The following ZNF831 variants were observed in gnomAD, a reference collection of about 807,000 sequenced individuals.
ZNF831 encodes chromosome 20 open reading frame 174.
Under a neutral mutation model 95.8 loss-of-function variants are expected in ZNF831, and 59 were observed. The ratio of observed to expected loss-of-function variants is 0.62; its 90% CI spans 0.50 to 0.77. The LOEUF (loss-of-function observed/expected upper bound fraction) is 0.77, where lower values mean the gene tolerates loss of function less well. ZNF831 is among the 30% of genes least tolerant of loss of function. The pLI is 0.00. For synonymous variants in ZNF831, 961 were observed against 925.5 expected (o/e 1.04, Z -0.70); for missense variants, 2,205 against 2,164.0 (o/e 1.02, Z -0.38).
intron 3 of ZNF831, 87 bp from the exon 4 acceptor site, chr20:59,206,815 TCTC>T: frequency 6.9e-7 from 1 of 1,456,208 alleles, no homozygotes; most frequent in Non-Finnish European, 9.4e-7. Context: ...AGCCCCGTGT[TCTC>T]CTGGGCACCC....
chr20:59,130,383 C>G (rs945832491), intron 1 of ZNF831, among the ~76,000 whole-genome samples: 1 of 152,088 alleles, frequency 6.6e-6, no homozygotes, highest in Non-Finnish European at 1.5e-5. Context: ...GTGAAAGGGC[C>G]CCTAAGTTTC....
intron 1 of ZNF831, among the ~76,000 whole-genome samples, chr20:59,179,107 A>G (rs967739214): frequency 6.6e-6 from 1 of 152,296 alleles, no homozygotes. Flanking sequence ...GAGCTCCACG[A>G]CAGACTCTGT....
chr20:59,228,310 C>G (rs948913204), intron 4 of ZNF831, among the ~76,000 whole-genome samples: 9 of 152,052 alleles, frequency 5.9e-5, no homozygotes, highest in African/African-American at 1.9e-4. Context: ...ATCTGTGGAG[C>G]CAGCTGGGGG....
intron 1 of ZNF831, among the ~76,000 whole-genome samples, chr20:59,127,564 G>A (rs961813764): frequency 3.3e-5 from 5 of 152,238 alleles, no homozygotes; most frequent in South Asian, 2.1e-4. Flanking sequence ...TGCTTTCCTC[G>A]ATTTCCATGA....
chr20:59,234,495 G>T (rs1320130738), intron 4 of ZNF831, among the ~76,000 whole-genome samples: 1 of 152,154 alleles, frequency 6.6e-6, no homozygotes, highest in Admixed American at 6.5e-5. Flanking sequence ...TGAGAGAACT[G>T]AAAAAATAAT....
At position 59,194,476 on chromosome 20, in the gene ZNF831, T is replaced by C. The variant is rs2146600165; in HGVS notation, c.3457T>C (p.Ser1153Pro). The change falls in exon 2 of 6, where the codon TCT (serine) becomes CCT (proline). Residue 1153 changes from serine (S) to proline (P), a missense_variant. Transcript: ENST00000371030. ...CCCAGGCTGGCCAGAGCTGGCCTTG[T>C]CTTCCCACTCAGGGACGTCCCGGAG... ...VPPGWPELAL[S>P]SHSGTSRSHS... 1 of 1,612,962 alleles carries C rather than the reference T, an allele frequency of 6.2e-7. No homozygotes were observed. The highest frequency in any genetic ancestry group is 1.3e-5 in the African/African-American group (1 of 75,056).
intron 4 of ZNF831, among the ~76,000 whole-genome samples, chr20:59,240,109 C>T (rs1014767859): frequency 6.6e-6 from 1 of 151,672 alleles, no homozygotes; most frequent in Non-Finnish European, 1.5e-5. Context: ...CTGTTCTTCT[C>T]ACCCCCACCC....
chr20:59,251,229 T>C (rs1014102466), intron 4 of ZNF831, among the ~76,000 whole-genome samples: 1 of 152,092 alleles, frequency 6.6e-6, no homozygotes, highest in Non-Finnish European at 1.5e-5. Flanking sequence ...TGATTCAGAT[T>C]GAAAGAATTG....
At chr20:59,203,339 C>G (rs1984661478) in intron 3 of ZNF831, among the ~76,000 whole-genome samples, 1 of 152,120 alleles carries the variant, frequency 6.6e-6, no homozygotes, top group African/African-American at 2.4e-5. Flanking sequence ...CAGGGTCTCA[C>G]TATGTTGCCC....
chr20:59,176,034 C>T (rs1267056348), intron 1 of ZNF831, among the ~76,000 whole-genome samples: 1 of 152,198 alleles, frequency 6.6e-6, no homozygotes, highest in African/African-American at 2.4e-5. Flanking sequence ...ACTGACATTT[C>T]CCTGTCTGGA....
At chr20:59,132,651 A>AT (rs201275382) in intron 1 of ZNF831, among the ~76,000 whole-genome samples, 5 of 150,618 alleles carry the variant, frequency 3.3e-5, no homozygotes, top group East Asian at 1.9e-4. Context: ...GTCTTTGCCT[A>AT]TTTTTTTTTC....
chr20:59,239,335 A>C (rs771415760), intron 4 of ZNF831, among the ~76,000 whole-genome samples: 9 of 152,042 alleles, frequency 5.9e-5, no homozygotes, highest in Non-Finnish European at 1.3e-4. Context: ...TGATTTCAAA[A>C]CCATTATGTT....
rs1981042231 is a variant in ZNF831, at chr20:59,163,848, T to G, written c.-396T>G. On this transcript the variant is annotated 5_prime_UTR_variant, in exon 1 of 6. Coordinates refer to ENST00000371030, the MANE Select transcript of ZNF831 (RefSeq NM_178457.3). ...ACCAAGTTTTATCTCTGCTTGAGTC[T>G]CTTCCAGGTTGCTTGAAATGGTGCT... Among the ~76,000 whole-genome samples, 1 of 152,134 alleles carries G rather than the reference T, an allele frequency of 6.6e-6. No individual in the cohort carries two copies. The highest frequency in any genetic ancestry group is 2.4e-5 in the African/African-American group (1 of 41,434).
intron 1 of ZNF831, among the ~76,000 whole-genome samples, chr20:59,167,207 C>A (rs1981343020): frequency 6.6e-6 from 1 of 152,118 alleles, no homozygotes; most frequent in Admixed American, 6.5e-5. Flanking sequence ...TTTTCGTGTG[C>A]TTATCTGCTG....
chr20:59,194,887 G>A (rs1216645308), intron 2 of ZNF831, 130 bp downstream of exon 2: 1 of 1,327,462 alleles, frequency 7.5e-7, no homozygotes, highest in Admixed American at 3.3e-5. Flanking sequence ...GCTTGTTCCT[G>A]AGGGAGGCTG....
intron 4 of ZNF831, among the ~76,000 whole-genome samples, chr20:59,243,599 C>A (rs937427478): frequency 6.6e-6 from 1 of 152,200 alleles, no homozygotes; most frequent in Non-Finnish European, 1.5e-5. Context: ...CCCTAGGACT[C>A]CCTCATCCAC....
rs779190480 is a variant in ZNF831 at position 59,192,219 on chromosome 20, G to A, written c.1200G>A (p.Glu400=). ...CGCGAGAAGCCGGCCTGGAGCTGGA[G>A]AAGAAGCGGCTGGAGGAGCGCATCG... ...PGAREAGLEL[E]KKRLEERIAQ... Residue 400 remains glutamate (E), a synonymous_variant, in exon 2 of 6, where the codon GAG becomes GAA. Transcript: ENST00000371030. The surrounding 1 kb of genome is among the most constrained non-coding windows in gnomAD (Gnocchi z 5.2). The A allele has an allele frequency of 6.3e-7, 1 of 1,590,882 alleles. No individual in the cohort carries two copies. Among genetic ancestry groups the A allele is most frequent in the East Asian group, 2.3e-5 (1 of 43,938 alleles).
At chr20:59,140,882 T>A (rs879408694) in intron 1 of ZNF831, among the ~76,000 whole-genome samples, 3 of 152,210 alleles carry the variant, frequency 2.0e-5, no homozygotes, top group African/African-American at 7.2e-5. Context: ...CAGGGTCTTT[T>A]GCAGAGCAAT....
In ZNF831 at chr20:59,257,250, C is replaced by G. The variant is rs552492917; in HGVS notation, c.*2507C>G. The G allele has an allele frequency of 1.3e-5, 2 of 152,324 alleles. No individual in the cohort carries two copies. The highest frequency in any genetic ancestry group is 4.1e-4 in the South Asian group (2 of 4,828). The allele number at this position is 152,324 out of a possible 1,614,324, so 9.4% of individuals were successfully genotyped here. ...AGCGAAGCCACCTTGCTTCCCTGGT[C>G]TTTGCCTAGTGGCTGGCAATGTTTA... On this transcript the variant is annotated 3_prime_UTR_variant, in exon 6 of 6. Transcript: ENST00000371030.
Sources: gnomAD v4.1 joint callset for allele counts (sites outside exome capture counted in the v4.1 genomes callset) on GRCh38, gnomAD v4.1.1 for gene constraint, Gnocchi (gnomAD v3.1) non-coding constraint, MANE v1.5 for transcripts, NCBI Gene and HGNC (gene_info 2026-07-23, HGNC 2026-07-21) for gene names.